Variants in HMCN1 observed in about 807,000 individuals in gnomAD.
HMCN1 encodes the protein hemicentin 1, also known as hemicentin-1.
Under a neutral mutation model 625.9 loss-of-function variants are expected in HMCN1, and 321 were observed. The ratio of observed to expected loss-of-function variants is 0.51; its 90% confidence interval spans 0.47 to 0.56. The LOEUF (loss-of-function observed/expected upper bound fraction) is 0.56, where lower values mean the gene tolerates loss of function less well. Among genes scored for constraint, HMCN1 ranks in the 20% least tolerant of loss-of-function variants. The pLI is 0.00. For synonymous variants in HMCN1, 2,425 were observed against 2,417.6 expected, an observed-to-expected ratio of 1.00 and a Z score of -0.09; for missense variants, 6,588 against 6,887.3, an observed-to-expected ratio of 0.96 and a Z score of 1.54.
At chr1:186,095,003 A>G (rs1426050700) in intron 67 of HMCN1, among the ~76,000 whole-genome samples, 4 of 152,126 alleles carry the variant, frequency 2.6e-5, no homozygotes, top group Non-Finnish European at 5.9e-5. Flanking sequence ...AAAATTTAAA[A>G]CACATTGTGC....
intron 55 of HMCN1, among the ~76,000 whole-genome samples, chr1:186,080,693 C>T (rs1256110672): frequency 6.6e-6 from 1 of 152,158 alleles, no homozygotes; most frequent in African/African-American, 2.4e-5. Flanking sequence ...GCAGATGATG[C>T]TGATGCTGAT....
At chr1:185,751,235 T>C (rs1002199031) in intron 1 of HMCN1, among the ~76,000 whole-genome samples, 2 of 152,172 alleles carry the variant, frequency 1.3e-5, no homozygotes, top group African/African-American at 2.4e-5. Context: ...CTTTTGGTCT[T>C]TATTTGAGAA....
At chr1:186,047,162 T>A (rs192933292) in intron 41 of HMCN1, among the ~76,000 whole-genome samples, 8 of 152,118 alleles carry the variant, frequency 5.3e-5, no homozygotes, top group Admixed American at 5.2e-4. Flanking sequence ...AGGATGGAGA[T>A]CTTAGGAATT....
intron 1 of HMCN1, among the ~76,000 whole-genome samples, chr1:185,830,821 G>A (rs1660811859): frequency 6.6e-6 from 1 of 152,034 alleles, no homozygotes; most frequent in African/African-American, 2.4e-5. Context: ...TGGGGAGGTG[G>A]AGGTTGCAGC....
At chr1:185,926,484 C>G (rs1667284098) in intron 9 of HMCN1, among the ~76,000 whole-genome samples, 1 of 152,250 alleles carries the variant, frequency 6.6e-6, no homozygotes, top group Non-Finnish European at 1.5e-5. Flanking sequence ...TCAAATAATT[C>G]TGTTTTATGT....
intron 16 of HMCN1, among the ~76,000 whole-genome samples, chr1:185,980,486 C>A (rs931316133): frequency 1.1e-4 from 16 of 152,126 alleles, no homozygotes; most frequent in African/African-American, 2.9e-4. Context: ...TGTTTCTTTG[C>A]GAATCTGGCC....
chr1:186,166,970 G>A (rs1651920333), intron 100 of HMCN1, 28 bp downstream of exon 100: 5 of 1,613,742 alleles, frequency 3.1e-6, no homozygotes, highest in Non-Finnish European at 3.4e-6. Context: ...TTTTCTTTAT[G>A]TTCATGACAG....
chr1:185,770,198 G>A (rs973185886), intron 1 of HMCN1, among the ~76,000 whole-genome samples: 6 of 152,198 alleles, frequency 3.9e-5, no homozygotes, highest in Non-Finnish European at 8.8e-5. Flanking sequence ...AGAAAGGACT[G>A]AAAGGGTAAT....
chr1:185,987,634 G>A (rs992789970), intron 20 of HMCN1, 90 bp downstream of exon 20: 6 of 884,372 alleles, frequency 6.8e-6, no homozygotes, highest in African/African-American at 3.3e-5. Context: ...AGGCTCAGGA[G>A]TGGGGCATGG....
chr1:186,137,039 A>C (rs956489886), intron 87 of HMCN1, 102 bp downstream of exon 87: 1 of 1,340,498 alleles, frequency 7.5e-7, no homozygotes, highest in Non-Finnish European at 1.1e-6. Flanking sequence ...TCACCTTAAC[A>C]TACTTTTAGA....
Position 186,038,938 on chromosome 1 carries a change from C to T in HMCN1, c.5961C>T (p.Gly1987=). 1.9e-6 allele frequency: 3 copies of T among 1,611,840 alleles called. No homozygotes were observed. The South Asian group carries it at 3.3e-5, about 18-fold the overall frequency. ...AAAGTGCCCAGATCTCAGATGCTGG[C>T]ATATATAAATGCGTGGCCATCAACT... ...DIESAQISDA[G]IYKCVAINSA... The change falls in exon 38 of 107, where the codon GGC becomes GGT. Residue 1987 remains glycine (G), a synonymous_variant. Transcript: ENST00000271588.
At chr1:185,953,439 C>T (rs893756892) in intron 11 of HMCN1, among the ~76,000 whole-genome samples, 3 of 151,772 alleles carry the variant, frequency 2.0e-5, no homozygotes, top group African/African-American at 7.3e-5. Context: ...TGACCGGCAC[C>T]GGAGTTTTGG....
chr1:185,908,314 C>A (rs1666212023), intron 4 of HMCN1, among the ~76,000 whole-genome samples: 1 of 151,870 alleles, frequency 6.6e-6, no homozygotes, highest in African/African-American at 2.4e-5. Flanking sequence ...TGACCACTTA[C>A]ACCTAAATTT....
intron 81 of HMCN1, among the ~76,000 whole-genome samples, chr1:186,124,321 G>C (rs1303447428): frequency 1.3e-5 from 2 of 151,898 alleles, no homozygotes; most frequent in African/African-American, 4.8e-5. Flanking sequence ...ACATTATTTA[G>C]AAAATAAAGA....
chr1:185,742,576 G>C (rs1654062235), intron 1 of HMCN1, among the ~76,000 whole-genome samples: 1 of 152,234 alleles, frequency 6.6e-6, no homozygotes, highest in East Asian at 1.9e-4. Context: ...AATTCAAATT[G>C]AAATGTTTTC....
chr1:185,819,437 T>G (rs1468056169), intron 1 of HMCN1, among the ~76,000 whole-genome samples: 1 of 152,198 alleles, frequency 6.6e-6, no homozygotes, highest in Non-Finnish European at 1.5e-5. Flanking sequence ...TTTTTCCTAT[T>G]TATCACTTTT....
intron 14 of HMCN1, among the ~76,000 whole-genome samples, chr1:185,968,672 A>G (rs549157775): frequency 1.6e-4 from 24 of 152,110 alleles, no homozygotes; most frequent in Non-Finnish European, 2.5e-4. Flanking sequence ...CAGAGGCCAA[A>G]TTGAATTTAA....
chr1:185,814,708 T>C (rs1659737302), intron 1 of HMCN1, among the ~76,000 whole-genome samples: 1 of 149,170 alleles, frequency 6.7e-6, no homozygotes, highest in South Asian at 2.1e-4. Context: ...TTTTTTTTTT[T>C]TGAGATGCAG....
chr1:185,891,930 C>T (rs996592312), intron 4 of HMCN1, among the ~76,000 whole-genome samples: 4 of 149,142 alleles, frequency 2.7e-5, no homozygotes, highest in East Asian at 3.9e-4. Context: ...CCATTCTCCC[C>T]ATCACTTTTA....
Sources: gnomAD v4.1 joint callset for allele counts (sites outside exome capture counted in the v4.1 genomes callset) on GRCh38, gnomAD v4.1.1 for gene constraint, MANE v1.5 for transcripts, NCBI Gene and HGNC (gene_info 2026-07-23, HGNC 2026-07-21) for gene names.